The following PITPNM3 variants were observed in gnomAD, a reference collection of about 807,000 sequenced individuals.
PITPNM3 encodes the protein membrane-associated phosphatidylinositol transfer protein 3.
In PITPNM3, 26 loss-of-function variants were observed where a neutral mutation model predicts 102.0. That is an observed-to-expected ratio of 0.25 (90% CI 0.19 to 0.35). The LOEUF is 0.35. Ranked by LOEUF, PITPNM3 falls within the 10% of genes least tolerant of loss-of-function variation. The pLI is 1.00. For synonymous variants in PITPNM3, 578 were observed against 558.6 expected, an observed-to-expected ratio of 1.03 and a Z score of -0.49; for missense variants, 1,083 against 1,346.1, an observed-to-expected ratio of 0.80 and a Z score of 3.06.
intron 1 of PITPNM3, among the ~76,000 whole-genome samples, chr17:6,541,206 G>A (rs566733916): frequency 1.7e-4 from 26 of 152,132 alleles, no homozygotes; most frequent in Non-Finnish European, 3.5e-4. Flanking sequence ...TGTCTCAGGA[G>A]GGGTTAGAGG....
At chr17:6,471,128 A>G (rs1421839337) in intron 12 of PITPNM3, 33 bp downstream of exon 12, 4 of 1,610,032 alleles carry the variant, frequency 2.5e-6, no homozygotes, top group Non-Finnish European at 3.4e-6. Context: ...CCTCCCCCGA[A>G]TCCAGGCAGG....
Position 6,458,937 on chromosome 17 carries a change from C to T in PITPNM3, c.2491-1215G>A, listed in dbSNP as rs1325095438. On this transcript the variant is annotated intron_variant, in intron 18 of 19. Transcript: ENST00000262483. The surrounding 1 kb of genome is among the most constrained non-coding windows in gnomAD (Gnocchi z 5.1). ...TCTTCCTGTCCTTCCCTGAGCCCTACCCCATCCTGCAGGTGACTGCCTTCG... is the reference window on the plus strand; with the variant it reads ...TCTTCCTGTCCTTCCCTGAGCCCTATCCCATCCTGCAGGTGACTGCCTTCG... Among the ~76,000 whole-genome samples the T allele has an allele frequency of 6.6e-6, 1 of 152,114 alleles. No individual in the cohort carries two copies. Among genetic ancestry groups the T allele is most frequent in the Non-Finnish European group, 1.5e-5 (1 of 68,020 alleles).
rs1047552184 is a variant in PITPNM3, at chr17:6,525,337, G to A, written c.226+19C>T. The A allele has an allele frequency of 3.7e-6, 6 of 1,608,258 alleles. No individual in the cohort carries two copies. The highest frequency in any genetic ancestry group is 2.7e-5 in the African/African-American group (2 of 74,804). On this transcript the variant is annotated intron_variant, in intron 3 of 19. Transcript: ENST00000262483. ...ACACCTATGTGCACATCCTGGTCAT[G>A]AGAGAAGCAGAGTCTCACCTTGATG...
intron 4 of PITPNM3, among the ~76,000 whole-genome samples, chr17:6,488,077 C>CGT (rs1226388129): frequency 6.6e-6 from 1 of 151,894 alleles, no homozygotes; most frequent in African/African-American, 2.4e-5. Context: ...CAGAGCTTCC[C>CGT]CACAGAAAGG....
In PITPNM3 at chr17:6,458,346, G is replaced by A. The variant is rs1299304621; in HGVS notation, c.2491-624C>T. On this transcript the variant is annotated intron_variant, in intron 18 of 19. Coordinates refer to ENST00000262483, the MANE Select transcript of PITPNM3 (RefSeq NM_031220.4). The surrounding 1 kb of genome is among the most constrained non-coding windows in gnomAD (Gnocchi z 5.1). ...AGCTGCCCCTCACTGTGTGCCTCCT[G>A]TCACTGTCATCTTCTTTTTCTCCCA... 6.6e-6 allele frequency among the ~76,000 whole-genome samples: 1 copy of A among 152,038 alleles called. No individual in the cohort carries two copies. Among genetic ancestry groups the A allele is most frequent in the Non-Finnish European group, 1.5e-5 (1 of 68,006 alleles).
rs1295144722 is a variant in PITPNM3, at chr17:6,461,357, C to T, written c.2490+16G>A. On this transcript the variant is annotated intron_variant, in intron 18 of 19. Transcript: ENST00000262483. ...CTCTCAAGCCATGGAGTCCCCACCC[C>T]AGGATGGCCACTCACCTCCTGCATG... The T allele has an allele frequency of 1.9e-5, 31 of 1,613,210 alleles. No individual in the cohort carries two copies. Among genetic ancestry groups the T allele is most frequent in the Non-Finnish European group, 2.6e-5 (31 of 1,179,648 alleles).
chr17:6,525,303 C>T, intron 3 of PITPNM3, 53 bp downstream of exon 3: 2 of 1,517,216 alleles, frequency 1.3e-6, no homozygotes, highest in Non-Finnish European at 1.8e-6. Context: ...CTACAGCCCC[C>T]CCTGCAACAC....
chr17:6,527,778 G>T (rs1908915285), intron 2 of PITPNM3, among the ~76,000 whole-genome samples: 1 of 152,224 alleles, frequency 6.6e-6, no homozygotes, highest in African/African-American at 2.4e-5. Context: ...TGAAAAACAT[G>T]ATAGAAATAC....
chr17:6,488,349 C>A (rs189447123), intron 4 of PITPNM3, among the ~76,000 whole-genome samples: 51 of 152,298 alleles, frequency 3.3e-4, no homozygotes, highest in African/African-American at 7.5e-4. Flanking sequence ...CCTGCAAAAC[C>A]CTGCTCAATG....
intron 4 of PITPNM3, among the ~76,000 whole-genome samples, chr17:6,499,691 T>C (rs1192544943): frequency 6.7e-6 from 1 of 149,508 alleles, no homozygotes; most frequent in Non-Finnish European, 1.5e-5. Flanking sequence ...GTAGATGATA[T>C]GGCCATCTTT....
chr17:6,470,999 A>G lies in PITPNM3; in HGVS notation c.1624+162T>C, dbSNP rs1404732608. Among the ~76,000 whole-genome samples the G allele has an allele frequency of 2.0e-5, 3 of 152,070 alleles. No individual in the cohort carries two copies. The East Asian group carries it at 5.8e-4, about 29-fold the overall frequency. ...ACCGATGCCAGGTCTCCATCAGCAG[A>G]CGCCCAGCTCTCTAAAGGCAGAAGC... On this transcript the variant is annotated intron_variant, in intron 12 of 19. Coordinates refer to ENST00000262483, the MANE Select transcript of PITPNM3 (RefSeq NM_031220.4). This position sits in a 1 kb window ranked among gnomAD's most constrained non-coding sequence, Gnocchi z 4.8.
rs190547920 is a variant in PITPNM3, at chr17:6,475,846, T to C, written c.1085+1183A>G. Among the ~76,000 whole-genome samples, 86 of 152,330 alleles carry C rather than the reference T, an allele frequency of 5.6e-4. 1 individual carries two copies. Among genetic ancestry groups the C allele is most frequent in the African/African-American group, 2.1e-3 (86 of 41,574 alleles). The stretch of plus-strand genomic sequence containing the variant: ...TCACCTTGCAAGCCTCACTAGAAGG[T>C]AGCTGCTTTTCTAAAGGATCATCTG... On this transcript the variant is annotated intron_variant, in intron 9 of 19. Transcript: ENST00000262483.
intron 17 of PITPNM3, among the ~76,000 whole-genome samples, chr17:6,463,358 C>T (rs1904569498): frequency 7.3e-6 from 1 of 137,830 alleles, no homozygotes; most frequent in African/African-American, 2.7e-5. Flanking sequence ...GCATCAGTGC[C>T]CAGCACACAG....
intron 2 of PITPNM3, among the ~76,000 whole-genome samples, chr17:6,532,895 A>G (rs1597408015): frequency 1.3e-5 from 2 of 152,252 alleles, no homozygotes; most frequent in South Asian, 2.1e-4. Flanking sequence ...ATTTTCCAAA[A>G]TGATTGTATC....
In PITPNM3 at chr17:6,503,538, T is replaced by C; in HGVS notation, c.263A>G (p.Gln88Arg). The change falls in exon 4 of 20, where the codon CAG (glutamine) becomes CGG (arginine). Residue 88 changes from glutamine (Q) to arginine (R), a missense_variant. Gln to Arg is a conservative substitution (Grantham distance 43, BLOSUM62 1). Coordinates refer to ENST00000262483, the MANE Select transcript of PITPNM3 (RefSeq NM_031220.4). ...CAGGCTTGACTCACGCTGCTTCTCC[T>C]GGAGGATGCTGGATGTGCACGGCGC... ...GTAPCTSSIL[Q>R]EKQRELYRVS... 6.2e-7 allele frequency: 1 copy of C among 1,612,646 alleles called. No individual in the cohort carries two copies. The highest frequency in any genetic ancestry group is 8.5e-7 in the Non-Finnish European group (1 of 1,180,004).
rs563586827 is a variant in PITPNM3 at position 6,537,907 on chromosome 17, C to T, written c.118+80G>A. 498 of 1,192,848 alleles carry T rather than the reference C, an allele frequency of 4.2e-4. 2 individuals are homozygous for T. The highest frequency in any genetic ancestry group is 8.3e-4 in the South Asian group (65 of 78,104). 73.9% of individuals were successfully genotyped at this position (1,192,848 alleles called of 1,614,324 possible). A position where few individuals can be genotyped will look rare whatever the true frequency, so the allele number is the denominator to read the frequency against. On this transcript the variant is annotated intron_variant, in intron 2 of 19. Transcript: ENST00000262483. The surrounding 1 kb of genome is among the most constrained non-coding windows in gnomAD (Gnocchi z 4.4). ...TACCACGTCTGAGTGGGGAGGGATG[C>T]GGACCCCCAAATGGGATCTTCTTCT...
At chr17:6,485,483 G>A (rs1174543988) in intron 4 of PITPNM3, among the ~76,000 whole-genome samples, 2 of 152,022 alleles carry the variant, frequency 1.3e-5, no homozygotes, top group Non-Finnish European at 2.9e-5. Flanking sequence ...ATACATCTGT[G>A]TATATATCCT....
At chr17:6,505,118 G>C (rs1218655153) in intron 3 of PITPNM3, among the ~76,000 whole-genome samples, 1 of 151,546 alleles carries the variant, frequency 6.6e-6, no homozygotes, top group Non-Finnish European at 1.5e-5. Context: ...GGAGGTTGCA[G>C]TGAGCCGAGA....
At chr17:6,507,029 G>A (rs993390351) in intron 3 of PITPNM3, among the ~76,000 whole-genome samples, 25 of 152,116 alleles carry the variant, frequency 1.6e-4, no homozygotes, top group African/African-American at 6.0e-4. Flanking sequence ...CAGCTGCCTC[G>A]CCCCAAGACA....
Sources: allele counts gnomAD v4.1 joint callset (sites outside exome capture counted in the v4.1 genomes callset), GRCh38; gene constraint gnomAD v4.1.1; non-coding constraint Gnocchi (gnomAD v3.1); transcripts MANE v1.5; gene names NCBI Gene and HGNC (gene_info 2026-07-23, HGNC 2026-07-21).